The following MMP16 variants were observed in gnomAD, a reference collection of about 807,000 sequenced individuals.
MMP16 encodes matrix metallopeptidase 16, also known as matrix metalloproteinase-16.
A neutral mutation model predicts 67.8 loss-of-function variants in MMP16; 12 were observed. That is an observed-to-expected ratio of 0.18 (90% CI 0.11 to 0.29). MMP16 has a LOEUF of 0.29. MMP16 is among the 10% of genes least tolerant of loss of function. MMP16 has a pLI of 1.00. For missense variants in MMP16, 475 were observed against 765.7 expected (o/e 0.62, Z 4.48); for synonymous variants, 249 against 255.9 (o/e 0.97, Z 0.26).
intron 1 of MMP16, among the ~76,000 whole-genome samples, chr8:88,324,347 T>C (rs761183362): frequency 6.6e-5 from 10 of 152,122 alleles, no homozygotes; most frequent in East Asian, 1.9e-4. Context: ...AGAGTTAACA[T>C]GAATACCTCT....
At chr8:88,193,799 T>C (rs1054110233) in intron 2 of MMP16, among the ~76,000 whole-genome samples, 20 of 152,002 alleles carry the variant, frequency 1.3e-4, no homozygotes, top group Non-Finnish European at 2.4e-4. Context: ...ACTGTACACA[T>C]ATAAAAGATA....
At chr8:88,258,901 G>A (rs1563576023) in intron 1 of MMP16, among the ~76,000 whole-genome samples, 1 of 152,156 alleles carries the variant, frequency 6.6e-6, no homozygotes, top group Non-Finnish European at 1.5e-5. Context: ...AAGTTGCATA[G>A]CCATGATTCA....
chr8:88,131,733 C>T (rs1808034169), intron 4 of MMP16, among the ~76,000 whole-genome samples: 1 of 151,812 alleles, frequency 6.6e-6, no homozygotes, highest in African/African-American at 2.4e-5. Flanking sequence ...ACTATTCACC[C>T]ACACGTAGCT....
intron 6 of MMP16, among the ~76,000 whole-genome samples, chr8:88,101,917 C>T (rs1809151406): frequency 6.6e-6 from 1 of 151,862 alleles, no homozygotes; most frequent in Admixed American, 6.6e-5. Flanking sequence ...CTCCCTCTGA[C>T]ATTTGAAGAT....
At chr8:88,249,352 C>T (rs1192955772) in intron 1 of MMP16, among the ~76,000 whole-genome samples, 1 of 152,056 alleles carries the variant, frequency 6.6e-6, no homozygotes, top group Non-Finnish European at 1.5e-5. Flanking sequence ...TAACTGCCAG[C>T]TTTGTAACTG....
At position 88,055,606 on chromosome 8, in the gene MMP16, A is replaced by C. The variant is rs79178462; in HGVS notation, c.1373+522T>G. Among the ~76,000 whole-genome samples, 98 of 152,348 alleles carry C rather than the reference A, an allele frequency of 6.4e-4. 1 individual carries two copies. Among genetic ancestry groups the C allele is most frequent in the African/African-American group, 2.3e-3 (95 of 41,582 alleles). On this transcript the variant is annotated intron_variant, in intron 8 of 9. Transcript: ENST00000286614. ...ATAAGAGAGTAAAATAGTTGGGAAAAAATATTATACTTCAAGCTAAAAGTA... is the reference window on the plus strand; with the variant it reads ...ATAAGAGAGTAAAATAGTTGGGAAACAATATTATACTTCAAGCTAAAAGTA...
chr8:88,307,341 T>C (rs1260188365), intron 1 of MMP16, among the ~76,000 whole-genome samples: 1 of 152,106 alleles, frequency 6.6e-6, no homozygotes, highest in Non-Finnish European at 1.5e-5. Context: ...TCATATTCCA[T>C]CAAATATTCA....
chr8:88,262,123 C>G (rs10096812), intron 1 of MMP16, among the ~76,000 whole-genome samples: 31,736 of 151,966 alleles, frequency 0.21, 3,811 homozygotes, highest in African/African-American at 0.32. Flanking sequence ...GTCAATAATC[C>G]AAGCCACAGC....
intron 1 of MMP16, among the ~76,000 whole-genome samples, chr8:88,290,615 T>C (rs1345553331): frequency 6.6e-6 from 1 of 152,158 alleles, no homozygotes; most frequent in Non-Finnish European, 1.5e-5. Flanking sequence ...TGTGACTCTG[T>C]TGCCTAAGCT....
intron 4 of MMP16, among the ~76,000 whole-genome samples, chr8:88,139,037 T>G (rs1276849192): frequency 6.6e-6 from 1 of 152,114 alleles, no homozygotes; most frequent in Non-Finnish European, 1.5e-5. Context: ...ATAAAAATGT[T>G]TTTCTGCTAA....
intron 4 of MMP16, among the ~76,000 whole-genome samples, chr8:88,140,204 T>C (rs1238196782): frequency 1.3e-5 from 2 of 152,156 alleles, no homozygotes; most frequent in Non-Finnish European, 2.9e-5. Flanking sequence ...GGTGGAAGTC[T>C]ATCTCCACTT....
intron 6 of MMP16, among the ~76,000 whole-genome samples, chr8:88,096,477 T>C (rs1422732005): frequency 1.3e-5 from 2 of 151,978 alleles, no homozygotes; most frequent in East Asian, 3.9e-4. Flanking sequence ...TTGAGGACTG[T>C]ATTTCCTGCT....
chr8:88,248,468 A>C (rs1210268569), intron 1 of MMP16, among the ~76,000 whole-genome samples: 1 of 152,096 alleles, frequency 6.6e-6, no homozygotes, highest in Non-Finnish European at 1.5e-5. Flanking sequence ...AAATGTAAAA[A>C]AAAGTTTAAG....
chr8:88,038,331 T>G lies in MMP16; in HGVS notation c.*3130A>C, dbSNP rs988502085. The G allele has an allele frequency of 6.6e-6, 1 of 152,312 alleles. No individual in the cohort carries two copies. Among genetic ancestry groups the G allele is most frequent in the African/African-American group, 2.4e-5 (1 of 41,418 alleles). 9.4% of individuals were successfully genotyped at this position (152,312 alleles called of 1,614,324 possible). A position where few individuals can be genotyped will look rare whatever the true frequency, so the allele number is the denominator to read the frequency against. On this transcript the variant is annotated 3_prime_UTR_variant, in exon 10 of 10. Coordinates refer to ENST00000286614, the MANE Select transcript of MMP16 (RefSeq NM_005941.5). This position sits in a 1 kb window ranked among gnomAD's most constrained non-coding sequence, Gnocchi z 4.1. ...ACATAAATCTTGTCTCATATTAAAG[T>G]AAATATGACCCAACCCTTATTCATG... is the stretch of plus-strand genomic sequence containing the variant.
chr8:88,066,740 C>T (rs1808468252), intron 7 of MMP16, among the ~76,000 whole-genome samples: 1 of 152,026 alleles, frequency 6.6e-6, no homozygotes, highest in Admixed American at 6.6e-5. Context: ...CACATGTCTA[C>T]ACATGCGAGG....
chr8:88,188,658 T>C (rs2129759731), intron 2 of MMP16, among the ~76,000 whole-genome samples: 1 of 151,904 alleles, frequency 6.6e-6, no homozygotes, highest in African/African-American at 2.4e-5. Context: ...GAACAGATTT[T>C]TTTTTTTTTT....
At chr8:88,175,231 C>T (rs1808868140) in intron 3 of MMP16, among the ~76,000 whole-genome samples, 2 of 152,134 alleles carry the variant, frequency 1.3e-5, no homozygotes, top group South Asian at 2.1e-4. Context: ...TTCTGGGTCA[C>T]ATTATACTGT....
At position 88,327,103 on chromosome 8, in the gene MMP16, C is replaced by T; in HGVS notation, c.104G>A (p.Cys35Tyr). The T allele has an allele frequency of 5.0e-6, 8 of 1,614,022 alleles. No individual in the cohort carries two copies. The highest frequency in any genetic ancestry group is 6.8e-6 in the Non-Finnish European group (8 of 1,179,968). ...CACATTGAAATACTGCTCCGTTCCG[C>T]AGACTGTAGCACATAAAATCCAAAG... Reference protein sequence around the residue: ...TLLWILCATVCGTEQYFNVEV... With the variant: ...TLLWILCATVYGTEQYFNVEV... The change falls in exon 1 of 10, where the codon TGC (cysteine) becomes TAC (tyrosine). Residue 35 changes from cysteine to tyrosine, a missense_variant. Around this residue, in one of 5 missense-constraint regions of MMP16, gnomAD observed 170 missense variants for 239.6 expected, o/e 0.71. Coordinates refer to ENST00000286614, the MANE Select transcript of MMP16 (RefSeq NM_005941.5).
intron 2 of MMP16, among the ~76,000 whole-genome samples, chr8:88,194,374 A>G (rs997696145): frequency 2.0e-5 from 3 of 152,082 alleles, no homozygotes; most frequent in Non-Finnish European, 2.9e-5. Flanking sequence ...ATTTTATGTA[A>G]TAAGTGTCAG....
Sources: gnomAD v4.1 joint callset for allele counts (sites outside exome capture counted in the v4.1 genomes callset) on GRCh38, gnomAD v4.1.1 for gene constraint, gnomAD v4.1.1 regional missense constraint, Gnocchi (gnomAD v3.1) non-coding constraint, MANE v1.5 for transcripts, NCBI Gene and HGNC (gene_info 2026-07-23, HGNC 2026-07-21) for gene names.